The following SLC14A2 variants were observed in gnomAD, a reference collection of about 807,000 sequenced individuals.
SLC14A2 encodes solute carrier family 14 member 2, also known as urea transporter 2.
Under a neutral mutation model 104.6 loss-of-function variants are expected in SLC14A2, and 91 were observed. The observed-to-expected ratio is 0.87, with a 90% CI of 0.73 to 1.04. SLC14A2 has a LOEUF of 1.04. Ranked by LOEUF, SLC14A2 falls within the 50% of genes least tolerant of loss-of-function variation. SLC14A2 has a pLI of 0.00. For synonymous variants in SLC14A2, 476 were observed against 466.4 expected (o/e 1.02, Z -0.27); for missense variants, 1,189 against 1,156.0 (o/e 1.03, Z -0.41).
At chr18:45,280,384 G>T (rs1599639134) in intron 1 of SLC14A2, among the ~76,000 whole-genome samples, 1 of 152,136 alleles carries the variant, frequency 6.6e-6, no homozygotes, top group African/African-American at 2.4e-5. Context: ...GGCATATAAG[G>T]GTGTTAAGGG....
At chr18:45,420,107 G>T (rs1396371724) in intron 1 of SLC14A2, among the ~76,000 whole-genome samples, 1 of 152,200 alleles carries the variant, frequency 6.6e-6, no homozygotes, top group Non-Finnish European at 1.5e-5. Context: ...GCTGTCATCT[G>T]AGGACTTGAC....
At chr18:45,632,301 C>G (rs372103396) in intron 4 of SLC14A2, 49 bp from the exon 5 acceptor site, 1 of 1,592,730 alleles carries the variant, frequency 6.3e-7, no homozygotes, top group South Asian at 1.1e-5. Flanking sequence ...GGGAGGGGCC[C>G]AGTAACACCA....
intron 1 of SLC14A2, among the ~76,000 whole-genome samples, chr18:45,254,832 A>G (rs971297623): frequency 2.0e-5 from 3 of 152,216 alleles, no homozygotes; most frequent in East Asian, 3.9e-4. Flanking sequence ...TGCCCCAAGG[A>G]GGCCAATGAT....
chr18:45,280,613 A>G (rs1041111293), intron 1 of SLC14A2, among the ~76,000 whole-genome samples: 2 of 152,032 alleles, frequency 1.3e-5, no homozygotes, highest in African/African-American at 4.8e-5. Context: ...TTCTTTCTGG[A>G]TGGCTGCCTC....
At chr18:45,517,557 T>C (rs1471173880) in intron 2 of SLC14A2, among the ~76,000 whole-genome samples, 2 of 152,222 alleles carry the variant, frequency 1.3e-5, no homozygotes, top group African/African-American at 2.4e-5. Flanking sequence ...CAGGCTGGAA[T>C]TGCATCAACA....
the SLC14A2 span, among the ~76,000 whole-genome samples, chr18:45,191,176 A>G: frequency 8.2e-3 from 1,240 of 152,100 alleles, 22 homozygotes; most frequent in African/African-American, 0.027. Flanking sequence ...CTCTCCCCCA[A>G]TAGACTAAGC....
chr18:45,187,551 G>A, the SLC14A2 span, among the ~76,000 whole-genome samples: 7 of 152,192 alleles, frequency 4.6e-5, no homozygotes, highest in East Asian at 7.7e-4. Flanking sequence ...GGCTGAGAAG[G>A]AGATAATCTT....
At chr18:45,353,075 G>A (rs1003161153) in intron 1 of SLC14A2, among the ~76,000 whole-genome samples, 1 of 152,190 alleles carries the variant, frequency 6.6e-6, no homozygotes, top group African/African-American at 2.4e-5. Context: ...GTTGAAGTGT[G>A]GCTGCTGGGA....
At chr18:45,490,849 G>A (rs528110843) in intron 2 of SLC14A2, among the ~76,000 whole-genome samples, 19 of 152,218 alleles carry the variant, frequency 1.2e-4, no homozygotes, top group African/African-American at 4.3e-4. Flanking sequence ...AATCAAAATG[G>A]CCTATAAAAA....
chr18:45,653,758 A>T (rs895000974), intron 10 of SLC14A2, among the ~76,000 whole-genome samples: 24 of 151,984 alleles, frequency 1.6e-4, no homozygotes, highest in Admixed American at 5.2e-4. Context: ...AGGTCTGAAA[A>T]TTTCCATAGA....
intron 2 of SLC14A2, chr18:45,550,326 G>A (rs1189064353): frequency 6.6e-6 from 1 of 152,042 alleles, no homozygotes; most frequent in Non-Finnish European, 1.5e-5. Flanking sequence ...GCTGCTCCCT[G>A]AACCCCCCAG....
chr18:45,269,215 C>T (rs943937152), intron 1 of SLC14A2, among the ~76,000 whole-genome samples: 1 of 152,002 alleles, frequency 6.6e-6, no homozygotes, highest in Non-Finnish European at 1.5e-5. Context: ...GGCTGGATTT[C>T]AGTTGTGCTA....
chr18:45,170,042 T>C, the SLC14A2 span, among the ~76,000 whole-genome samples: 1 of 152,184 alleles, frequency 6.6e-6, no homozygotes, highest in East Asian at 1.9e-4. Context: ...GAGTAAAATC[T>C]TTCAGAAAGA....
intron 2 of SLC14A2, among the ~76,000 whole-genome samples, chr18:45,578,149 C>T (rs1568283535): frequency 6.6e-6 from 1 of 152,160 alleles, no homozygotes; most frequent in Non-Finnish European, 1.5e-5. Context: ...CATTCAAGTC[C>T]TGTCCTGCTT....
chr18:45,382,385 G>A (rs1419349477), intron 1 of SLC14A2, among the ~76,000 whole-genome samples: 7 of 152,136 alleles, frequency 4.6e-5, no homozygotes, highest in African/African-American at 1.4e-4. Flanking sequence ...TATAATGGGG[G>A]TCAAGGACAA....
chr18:45,229,046 A>G (rs751947949), intron 1 of SLC14A2, among the ~76,000 whole-genome samples: 4 of 152,184 alleles, frequency 2.6e-5, no homozygotes, highest in Non-Finnish European at 5.9e-5. Flanking sequence ...ACTTTTAGAA[A>G]GACTGTTTCG....
At chr18:45,270,517 A>C (rs554582012) in intron 1 of SLC14A2, among the ~76,000 whole-genome samples, 3 of 152,258 alleles carry the variant, frequency 2.0e-5, no homozygotes, top group African/African-American at 7.2e-5. Flanking sequence ...TTATAGACCA[A>C]GTCTGAGAGG....
chr18:45,468,307 G>T (rs2087181936), intron 1 of SLC14A2, among the ~76,000 whole-genome samples: 1 of 152,042 alleles, frequency 6.6e-6, no homozygotes, highest in African/African-American at 2.4e-5. Context: ...CAAGGAAGAG[G>T]CAGTATCTTC....
intron 2 of SLC14A2, among the ~76,000 whole-genome samples, chr18:45,500,446 G>A (rs1320999235): frequency 1.3e-5 from 2 of 151,914 alleles, no homozygotes; most frequent in Admixed American, 6.6e-5. Flanking sequence ...GCGTGGTAGC[G>A]GGCGCCTGTA....
Sources: allele counts gnomAD v4.1 joint callset (sites outside exome capture counted in the v4.1 genomes callset), GRCh38; gene constraint gnomAD v4.1.1; transcripts MANE v1.5; gene names NCBI Gene and HGNC (gene_info 2026-07-23, HGNC 2026-07-21).